APPBP2: variants seen among roughly 807,000 people sequenced by gnomAD.
The protein encoded by APPBP2 is amyloid beta precursor protein binding protein 2.
APPBP2 carries 15 observed loss-of-function variants against 76.0 expected under a neutral mutation model. That is an observed-to-expected ratio of 0.20 (90% CI 0.13 to 0.30). The LOEUF is 0.30. APPBP2 is among the 10% of genes least tolerant of loss of function. The pLI is 1.00. For missense variants in APPBP2, 401 were observed against 687.2 expected (o/e 0.58, Z 4.66); for synonymous variants, 222 against 242.2 (o/e 0.92, Z 0.77).
intron 3 of APPBP2, among the ~76,000 whole-genome samples, chr17:60,489,989 C>T (rs2090713460): frequency 1.3e-5 from 2 of 152,236 alleles, no homozygotes; most frequent in Admixed American, 1.3e-4. Context: ...GAGCAAAAAT[C>T]ATGCCACTGC....
chr17:60,464,615 GATAC>G (rs1313847657), intron 5 of APPBP2, among the ~76,000 whole-genome samples: 3 of 152,178 alleles, frequency 2.0e-5, no homozygotes, highest in African/African-American at 7.2e-5. Context: ...AGCCCTATAA[GATAC>G]GTACTATTAG....
intron 3 of APPBP2, among the ~76,000 whole-genome samples, chr17:60,490,699 G>A (rs975196640): frequency 8.5e-5 from 13 of 152,246 alleles, no homozygotes; most frequent in South Asian, 4.2e-4. Context: ...CATTATGGGA[G>A]GGACCTGGTG....
intron 1 of APPBP2, among the ~76,000 whole-genome samples, chr17:60,505,675 G>GTTTTTTTT (rs2090860992): frequency 8.8e-6 from 1 of 113,100 alleles, no homozygotes; most frequent in African/African-American, 5.8e-5. Context: ...TGACCCCTGC[G>GTTTTTTTT]GTTTTTTTTT....
At chr17:60,512,325 G>A (rs189404877) in intron 1 of APPBP2, among the ~76,000 whole-genome samples, 28 of 151,730 alleles carry the variant, frequency 1.8e-4, no homozygotes, top group African/African-American at 5.1e-4. Flanking sequence ...GGATGGTGTC[G>A]CTCTCCTGAC....
intron 11 of APPBP2, among the ~76,000 whole-genome samples, chr17:60,452,677 T>C (rs2090403893): frequency 6.6e-6 from 1 of 152,084 alleles, no homozygotes; most frequent in South Asian, 2.1e-4. Context: ...TCCCAACAGT[T>C]TGGGAGGTCG....
chr17:60,467,663 T>C (rs2090521290), intron 4 of APPBP2, among the ~76,000 whole-genome samples: 1 of 152,080 alleles, frequency 6.6e-6, no homozygotes, highest in South Asian at 2.1e-4. Context: ...AAAAGTAGGG[T>C]AATATGATCA....
chr17:60,519,188 C>T (rs2090988657), intron 1 of APPBP2, among the ~76,000 whole-genome samples: 1 of 152,096 alleles, frequency 6.6e-6, no homozygotes, highest in South Asian at 2.1e-4. Context: ...GTCTCAAACT[C>T]TTGGGCTCAA....
chr17:60,466,487 T>G, intron 4 of APPBP2, 28 bp from the exon 5 acceptor site: 1 of 1,599,866 alleles, frequency 6.3e-7, no homozygotes, highest in Non-Finnish European at 8.5e-7. Flanking sequence ...CATTGCTCTA[T>G]TTTTGATATT....
chr17:60,508,737 T>C (rs1435368047), intron 1 of APPBP2, among the ~76,000 whole-genome samples: 9 of 152,164 alleles, frequency 5.9e-5, no homozygotes, highest in South Asian at 2.1e-4. Flanking sequence ...CTAGTCCAAA[T>C]TGATACTACC....
At chr17:60,495,773 A>T (rs1337563851) in intron 2 of APPBP2, among the ~76,000 whole-genome samples, 1 of 152,148 alleles carries the variant, frequency 6.6e-6, no homozygotes, top group Non-Finnish European at 1.5e-5. Context: ...TTACCATATT[A>T]TACACCCTAG....
At chr17:60,515,020 T>C (rs1209857053) in intron 1 of APPBP2, among the ~76,000 whole-genome samples, 1 of 150,590 alleles carries the variant, frequency 6.6e-6, no homozygotes, top group Non-Finnish European at 1.5e-5. Context: ...TCCAGGCTGG[T>C]GTTGAATTCC....
chr17:60,484,829 G>A (rs908362927), intron 3 of APPBP2, among the ~76,000 whole-genome samples: 1 of 152,140 alleles, frequency 6.6e-6, no homozygotes, highest in African/African-American at 2.4e-5. Flanking sequence ...AATGCTTCCA[G>A]TTTTTGCCCA....
chr17:60,501,610 C>G (rs2143456337), intron 1 of APPBP2, among the ~76,000 whole-genome samples: 1 of 152,194 alleles, frequency 6.6e-6, no homozygotes, highest in East Asian at 1.9e-4. Flanking sequence ...GTTGGCCAGG[C>G]TGGTCTTGAA....
intron 8 of APPBP2, chr17:60,461,042 A>G: frequency 4.7e-6 from 1 of 212,096 alleles, no homozygotes. Flanking sequence ...CTTGAGAATC[A>G]AGACATTGGG....
At chr17:60,518,960 C>T (rs1410626100) in intron 1 of APPBP2, among the ~76,000 whole-genome samples, 1 of 152,058 alleles carries the variant, frequency 6.6e-6, no homozygotes, top group Non-Finnish European at 1.5e-5. Flanking sequence ...TTTTACATTA[C>T]CTTTTTCCCC....
intron 1 of APPBP2, among the ~76,000 whole-genome samples, chr17:60,509,092 A>C (rs1420314849): frequency 6.6e-6 from 1 of 152,120 alleles, no homozygotes; most frequent in Non-Finnish European, 1.5e-5. Flanking sequence ...AAAAATATAC[A>C]CATTTGAGTC....
chr17:60,526,013 C>A lies in APPBP2; in HGVS notation c.-82G>T, dbSNP rs952403998. Reference sequence around the variant, plus strand: ...CCTCCGTAGCGAACCCCTCTGCGGCCCCGGAGGATTCGGAGGGGCGGTGGC... The same window carrying A: ...CCTCCGTAGCGAACCCCTCTGCGGCACCGGAGGATTCGGAGGGGCGGTGGC... On this transcript the variant is annotated 5_prime_UTR_variant, in exon 1 of 13. Coordinates refer to ENST00000083182, the MANE Select transcript of APPBP2 (RefSeq NM_006380.5). 2 of 1,397,532 alleles carry A rather than the reference C, an allele frequency of 1.4e-6. No homozygotes were observed. The highest frequency in any genetic ancestry group is 4.8e-5 in the Admixed American group (2 of 42,002). 86.6% of individuals were successfully genotyped at this position (1,397,532 alleles called of 1,614,324 possible).
chr17:60,448,600 T>C (rs79015090), intron 12 of APPBP2, among the ~76,000 whole-genome samples: 22 of 152,216 alleles, frequency 1.4e-4, no homozygotes, highest in Non-Finnish European at 2.8e-4. Flanking sequence ...CTTCACTCAA[T>C]GGCATATTAT....
At chr17:60,463,525 A>C (rs1473966969) in intron 6 of APPBP2, among the ~76,000 whole-genome samples, 3 of 152,222 alleles carry the variant, frequency 2.0e-5, no homozygotes, top group Non-Finnish European at 1.5e-5. Flanking sequence ...TATTTACAGA[A>C]TAAGAAAACA....
Sources: gnomAD v4.1 joint callset for allele counts (sites outside exome capture counted in the v4.1 genomes callset) on GRCh38, gnomAD v4.1.1 for gene constraint, MANE v1.5 for transcripts, NCBI Gene and HGNC (gene_info 2026-07-23, HGNC 2026-07-21) for gene names.